AGFG1: variants seen among roughly 807,000 people sequenced by gnomAD.
AGFG1 encodes the protein ArfGAP with FG repeats 1.
AGFG1 carries 10 observed loss-of-function variants against 60.6 expected under a neutral mutation model. The ratio of observed to expected loss-of-function variants is 0.16; its 90% CI spans 0.10 to 0.28. The LOEUF (loss-of-function observed/expected upper bound fraction) is 0.28. AGFG1 is among the 10% of genes least tolerant of loss of function. The pLI is 1.00. For missense variants in AGFG1, 537 were observed against 676.5 expected, an observed-to-expected ratio of 0.79 and a Z score of 2.29; for synonymous variants, 247 against 242.9, an observed-to-expected ratio of 1.02 and a Z score of -0.16.
chr2:227,481,639 C>T (rs1384335204), intron 1 of AGFG1, among the ~76,000 whole-genome samples: 1 of 152,114 alleles, frequency 6.6e-6, no homozygotes, highest in Non-Finnish European at 1.5e-5. Flanking sequence ...CTTTTGGACT[C>T]TTCTCTTGTT....
rs1691451028 is a variant in AGFG1, at chr2:227,510,106, GC to G, written c.262-9841del. ...TAATAATAAGTCTTAAATTTATAAA[GC>G]TCTTTGTAATTTACAAAGTTCATTC... On this transcript the variant is annotated intron_variant, in intron 2 of 12. Transcript: ENST00000310078. Among the ~76,000 whole-genome samples the G allele has an allele frequency of 3.3e-5, 5 of 152,114 alleles. No individual in the cohort carries two copies. In the South Asian group the frequency reaches 1.0e-3, roughly 32 times the overall value.
intron 2 of AGFG1, among the ~76,000 whole-genome samples, chr2:227,505,468 G>C (rs1242392147): frequency 7.3e-6 from 1 of 137,700 alleles, no homozygotes; most frequent in Non-Finnish European, 1.6e-5. Context: ...TAGGCATTTT[G>C]ATACTGTTCT....
Position 227,531,082 on chromosome 2 carries a change from C to G in AGFG1, c.695-9C>G. 6.2e-7 allele frequency: 1 copy of G among 1,606,810 alleles called. No homozygotes were observed. On this transcript the variant is annotated splice_polypyrimidine_tract_variant and intron_variant, in intron 5 of 12. Transcript: ENST00000310078. ...TTCATTAACATATGTTGTTCCTTAC[C>G]ATTTACAGCTCAGAATTCTGCAAAT...
chr2:227,513,123 G>C (rs1691544368), intron 2 of AGFG1, among the ~76,000 whole-genome samples: 1 of 152,178 alleles, frequency 6.6e-6, no homozygotes, highest in Non-Finnish European at 1.5e-5. Context: ...AAGGATTACT[G>C]ATATAATACT....
chr2:227,524,819 T>G lies in AGFG1; in HGVS notation c.598T>G (p.Leu200Val). Residue 200 changes from leucine (L) to valine (V), a missense_variant, in exon 5 of 13, where the codon TTA (leucine) becomes GTA (valine). Around this residue, in one of 4 missense-constraint regions of AGFG1, gnomAD observed 102 missense variants for 82.9 expected, o/e 1.23. Transcript: ENST00000310078. ...QQQEKKQFDL[L>V]SDLGSDIFAA... ...GCAGGAGAAGAAGCAATTTGACCTT[T>G]TAAGTGATCTCGGCTCAGACATCTT... 1 of 1,614,174 alleles carries G rather than the reference T, an allele frequency of 6.2e-7. No individual in the cohort carries two copies. Among genetic ancestry groups the G allele is most frequent in the Non-Finnish European group, 8.5e-7 (1 of 1,180,000 alleles).
intron 2 of AGFG1, among the ~76,000 whole-genome samples, chr2:227,506,431 A>T (rs1488019173): frequency 6.6e-6 from 1 of 152,042 alleles, no homozygotes; most frequent in Admixed American, 6.6e-5. Context: ...TCTGGGATTT[A>T]GCCCTCACTT....
intron 1 of AGFG1, among the ~76,000 whole-genome samples, chr2:227,486,873 G>A (rs1164186952): frequency 6.6e-6 from 1 of 152,234 alleles, no homozygotes; most frequent in Non-Finnish European, 1.5e-5. Flanking sequence ...ACTGTTTGAT[G>A]AAGGGTGCTA....
At chr2:227,535,157 T>G in intron 8 of AGFG1, 132 bp downstream of exon 8, 1 of 1,031,742 alleles carries the variant, frequency 9.7e-7, no homozygotes, top group South Asian at 2.0e-5. Flanking sequence ...TTTGAGGAAT[T>G]TGAATTTAAA....
At chr2:227,489,679 A>C (rs990864265) in intron 1 of AGFG1, among the ~76,000 whole-genome samples, 1 of 152,228 alleles carries the variant, frequency 6.6e-6, no homozygotes, top group Admixed American at 6.5e-5. Flanking sequence ...CCCTACTTTG[A>C]AATTCGAAAC....
rs760046600 is a variant in AGFG1, at chr2:227,536,686, G to C, written c.1267G>C (p.Val423Leu). ...SAQTQPASSSVPAPFGATPST... is the reference protein window; with the variant it reads ...SAQTQPASSSLPAPFGATPST... ...ACAGACACAGCCTGCTTCATCAAGT[G>C]TGCCTGCTCCATTTGGAGGTATGTG... The change falls in exon 9 of 13, where the codon GTG (valine) becomes CTG (leucine). Residue 423 changes from valine (V) to leucine (L), a missense_variant. By Grantham distance (32) the Val-to-Leu change is conservative. Around this residue, in one of 4 missense-constraint regions of AGFG1, gnomAD observed 287 missense variants for 343.6 expected, o/e 0.84. Transcript: ENST00000310078. 4 of 1,613,720 alleles carry C rather than the reference G, an allele frequency of 2.5e-6. No homozygotes were observed. Among genetic ancestry groups the C allele is most frequent in the Non-Finnish European group, 3.4e-6 (4 of 1,179,844 alleles).
intron 1 of AGFG1, among the ~76,000 whole-genome samples, chr2:227,489,176 A>G (rs1481709470): frequency 6.8e-6 from 1 of 147,316 alleles, no homozygotes; most frequent in African/African-American, 2.5e-5. Context: ...CTTTAAAGGT[A>G]CTTGCAAGTT....
intron 2 of AGFG1, among the ~76,000 whole-genome samples, chr2:227,512,554 G>C (rs2106196091): frequency 6.6e-6 from 1 of 152,272 alleles, no homozygotes; most frequent in South Asian, 2.1e-4. Context: ...ATTTCTCTGA[G>C]TATGGACTTT....
chr2:227,533,056 A>C (rs1406443226), intron 6 of AGFG1, among the ~76,000 whole-genome samples: 1 of 152,196 alleles, frequency 6.6e-6, no homozygotes, highest in Non-Finnish European at 1.5e-5. Flanking sequence ...TATAAATGTC[A>C]ACGACCATCT....
At chr2:227,518,563 G>A (rs960887503) in intron 2 of AGFG1, among the ~76,000 whole-genome samples, 4 of 133,690 alleles carry the variant, frequency 3.0e-5, no homozygotes, top group African/African-American at 8.5e-5. Context: ...TGCTCTTGTC[G>A]CCCAGGCTGG....
intron 8 of AGFG1, among the ~76,000 whole-genome samples, chr2:227,535,349 A>G (rs1319925112): frequency 6.6e-6 from 1 of 152,192 alleles, no homozygotes; most frequent in Non-Finnish European, 1.5e-5. Context: ...CAAATAATAT[A>G]CTTTAAAAAT....
At chr2:227,541,694 C>A (rs192264559) in intron 10 of AGFG1, among the ~76,000 whole-genome samples, 2,427 of 152,184 alleles carry the variant, frequency 0.016, 26 homozygotes, top group Middle Eastern at 0.031. Context: ...TTTTTGGTTC[C>A]ATATGAACTT....
chr2:227,554,762 A>G lies in AGFG1; in HGVS notation c.*267A>G. Reference sequence around the variant, plus strand: ...TTAAGTTATTGCAGATACCACATTCATTATGCTGCAGTACTGTACATATTT... The same window carrying G: ...TTAAGTTATTGCAGATACCACATTCGTTATGCTGCAGTACTGTACATATTT... On this transcript the variant is annotated 3_prime_UTR_variant, in exon 13 of 13. Coordinates refer to ENST00000310078, the MANE Select transcript of AGFG1 (RefSeq NM_004504.5). 2.9e-6 allele frequency: 1 copy of G among 339,014 alleles called. No individual in the cohort carries two copies. The highest frequency in any genetic ancestry group is 5.4e-6 in the Non-Finnish European group (1 of 185,396). The allele number at this position is 339,014 out of a possible 1,614,324, so 21.0% of individuals were successfully genotyped here. A position where few individuals can be genotyped will look rare whatever the true frequency, so the allele number is the denominator to read the frequency against.
intron 2 of AGFG1, among the ~76,000 whole-genome samples, chr2:227,502,495 T>C (rs1364162795): frequency 6.6e-6 from 1 of 151,822 alleles, no homozygotes; most frequent in Non-Finnish European, 1.5e-5. Flanking sequence ...TAATTTTTTG[T>C]AATTTAGTAG....
intron 2 of AGFG1, among the ~76,000 whole-genome samples, chr2:227,494,740 A>G (rs1454045794): frequency 1.3e-5 from 2 of 152,194 alleles, no homozygotes. Context: ...CTGCATATAT[A>G]ATTTAATTCT....
Sources: gnomAD v4.1 joint callset for allele counts (sites outside exome capture counted in the v4.1 genomes callset) on GRCh38, gnomAD v4.1.1 for gene constraint, gnomAD v4.1.1 regional missense constraint, MANE v1.5 for transcripts, NCBI Gene and HGNC (gene_info 2026-07-23, HGNC 2026-07-21) for gene names.